Variants in SYT1 observed in about 807,000 individuals in gnomAD.
The protein encoded by SYT1 is synaptotagmin-1.
A neutral mutation model predicts 44.8 loss-of-function variants in SYT1; 8 were observed. That is an observed-to-expected ratio of 0.18 (90% CI 0.10 to 0.32). The LOEUF is 0.32. SYT1 is among the 10% of genes least tolerant of loss of function. SYT1 has a pLI of 1.00. For missense variants in SYT1, 286 were observed against 509.3 expected (o/e 0.56, Z 4.22); for synonymous variants, 154 against 188.8 (o/e 0.82, Z 1.51).
At chr12:79,012,085 T>C (rs1361493408) in intron 2 of SYT1, among the ~76,000 whole-genome samples, 2 of 141,956 alleles carry the variant, frequency 1.4e-5, no homozygotes, top group African/African-American at 2.7e-5. Flanking sequence ...TGAGCCGAGA[T>C]CAGCCCACTG....
At chr12:79,245,650 G>C (rs1014914692) in intron 4 of SYT1, among the ~76,000 whole-genome samples, 8 of 152,002 alleles carry the variant, frequency 5.3e-5, no homozygotes, top group Admixed American at 2.6e-4. Context: ...TTAATTCTGA[G>C]ACCAAAGCAA....
chr12:78,905,451 A>C (rs117531926), intron 1 of SYT1, among the ~76,000 whole-genome samples: 1 of 152,108 alleles, frequency 6.6e-6, no homozygotes, highest in Non-Finnish European at 1.5e-5. Flanking sequence ...GAAGGAAAAC[A>C]GTTGTAATAG....
At chr12:78,939,797 C>A (rs1456511435) in intron 1 of SYT1, among the ~76,000 whole-genome samples, 1 of 152,126 alleles carries the variant, frequency 6.6e-6, no homozygotes, top group African/African-American at 2.4e-5. Context: ...CTCAGATCAG[C>A]AATGGAAGGC....
At chr12:79,430,092 G>T (rs974944213) in intron 9 of SYT1, among the ~76,000 whole-genome samples, 1 of 152,160 alleles carries the variant, frequency 6.6e-6, no homozygotes, top group Non-Finnish European at 1.5e-5. Context: ...ATCACTGAAT[G>T]TATGTCTTAT....
Position 79,179,425 on chromosome 12 carries a change from T to TATATATATATCC in SYT1, c.-17-38073_-17-38072insTATATCCATATA, listed in dbSNP as rs1224449196. ...ATATAGATATAGATATAGATATATC[T>TATATATATATCC]ATATAGATATATCCATATAGATATA... On this transcript the variant is annotated intron_variant, in intron 3 of 10. Coordinates refer to ENST00000261205, the MANE Select transcript of SYT1 (RefSeq NM_005639.3). 1.7e-3 allele frequency among the ~76,000 whole-genome samples: 76 copies of TATATATATATCC among 43,784 alleles called. 14 individuals are homozygous for TATATATATATCC. Among genetic ancestry groups the TATATATATATCC allele is most frequent in the Non-Finnish European group, 2.7e-3 (65 of 23,798 alleles). 28.7% of individuals were successfully genotyped at this position (43,784 alleles called of 152,430 possible). A position where few individuals can be genotyped will look rare whatever the true frequency, so the allele number is the denominator to read the frequency against.
chr12:79,396,110 T>C (rs140058519), intron 9 of SYT1, among the ~76,000 whole-genome samples: 5 of 152,276 alleles, frequency 3.3e-5, no homozygotes, highest in South Asian at 2.1e-4. Context: ...ACTTTAGAAA[T>C]TGAGTGAGGT....
At chr12:78,869,602 C>T (rs1220903786) in intron 1 of SYT1, among the ~76,000 whole-genome samples, 5 of 151,756 alleles carry the variant, frequency 3.3e-5, no homozygotes, top group African/African-American at 7.3e-5. Context: ...ATGGCATCTA[C>T]ATTACATTAT....
intron 4 of SYT1, among the ~76,000 whole-genome samples, chr12:79,221,798 T>G (rs1339521608): frequency 6.6e-6 from 1 of 152,160 alleles, no homozygotes; most frequent in Non-Finnish European, 1.5e-5. Context: ...TGTTTTGCCT[T>G]TTAGCCTTCA....
chr12:79,203,743 T>G (rs1480820336), intron 3 of SYT1, among the ~76,000 whole-genome samples: 1 of 152,206 alleles, frequency 6.6e-6, no homozygotes, highest in African/African-American at 2.4e-5. Context: ...TTTTCGTAGA[T>G]TGTAGATACT....
chr12:79,406,271 G>A, intron 9 of SYT1, among the ~76,000 whole-genome samples: 1 of 152,102 alleles, frequency 6.6e-6, no homozygotes. Flanking sequence ...TGGTATGTCT[G>A]TAGCTGCAGG....
chr12:78,881,696 G>C (rs969829867), intron 1 of SYT1, among the ~76,000 whole-genome samples: 1 of 151,410 alleles, frequency 6.6e-6, no homozygotes, highest in Non-Finnish European at 1.5e-5. Context: ...AGTAACCTTC[G>C]CTTGGTAATT....
chr12:78,903,848 T>C (rs1231512755), intron 1 of SYT1, among the ~76,000 whole-genome samples: 4 of 152,068 alleles, frequency 2.6e-5, no homozygotes, highest in Admixed American at 2.0e-4. Context: ...AGAATTTTCT[T>C]ATAGTTTTTG....
At chr12:79,434,780 A>T (rs1375068762) in intron 9 of SYT1, among the ~76,000 whole-genome samples, 1 of 152,114 alleles carries the variant, frequency 6.6e-6, no homozygotes, top group Non-Finnish European at 1.5e-5. Context: ...ATGGTGTTCT[A>T]GTGACTCTAG....
chr12:79,043,825 G>A (rs2137743393), intron 2 of SYT1, among the ~76,000 whole-genome samples: 1 of 152,178 alleles, frequency 6.6e-6, no homozygotes, highest in Non-Finnish European at 1.5e-5. Context: ...GGGCCTGGTG[G>A]TGACAAAATC....
intron 9 of SYT1, among the ~76,000 whole-genome samples, chr12:79,413,162 G>A (rs1267524461): frequency 6.6e-6 from 1 of 152,160 alleles, no homozygotes; most frequent in Non-Finnish European, 1.5e-5. Flanking sequence ...GTTGTCACCT[G>A]ACCTCTTCCA....
intron 3 of SYT1, among the ~76,000 whole-genome samples, chr12:79,159,970 A>C (rs1215398756): frequency 6.6e-6 from 1 of 152,176 alleles, no homozygotes. Flanking sequence ...AACATAAATT[A>C]ATTGCAAAAA....
At chr12:79,105,268 T>G (rs1249393217) in intron 3 of SYT1, among the ~76,000 whole-genome samples, 1 of 152,184 alleles carries the variant, frequency 6.6e-6, no homozygotes, top group African/African-American at 2.4e-5. Context: ...GCTTCCCATG[T>G]GTGATGAGTA....
chr12:79,168,822 A>G (rs1051464358), intron 3 of SYT1, among the ~76,000 whole-genome samples: 1 of 151,980 alleles, frequency 6.6e-6, no homozygotes, highest in Non-Finnish European at 1.5e-5. Context: ...AGCAGATAAC[A>G]TTTTCTAATT....
intron 2 of SYT1, among the ~76,000 whole-genome samples, chr12:79,022,791 C>CA (rs1005493627): frequency 6.6e-6 from 1 of 151,406 alleles, no homozygotes; most frequent in African/African-American, 2.4e-5. Context: ...AGTTCTGATA[C>CA]AAAAAACATT....
Sources: allele counts gnomAD v4.1 joint callset (sites outside exome capture counted in the v4.1 genomes callset), GRCh38; gene constraint gnomAD v4.1.1; transcripts MANE v1.5; gene names NCBI Gene and HGNC (gene_info 2026-07-23, HGNC 2026-07-21).